Variants in HCN1 observed in about 807,000 individuals in gnomAD.
The protein encoded by HCN1 is hyperpolarization activated cyclic nucleotide gated potassium channel 1, also known as potassium/sodium hyperpolarization-activated cyclic nucleotide-gated channel 1.
Under a neutral mutation model 78.9 loss-of-function variants are expected in HCN1, and 13 were observed. The ratio of observed to expected loss-of-function variants is 0.16; its 90% CI spans 0.11 to 0.26. The LOEUF is 0.26. Among genes scored for constraint, HCN1 ranks in the 10% least tolerant of loss-of-function variants. The pLI is 1.00. For missense variants in HCN1, 810 were observed against 1,154.3 expected (o/e 0.70, Z 4.32); for synonymous variants, 552 against 455.5 (o/e 1.21, Z -2.70).
intron 4 of HCN1, among the ~76,000 whole-genome samples, chr5:45,364,308 A>G (rs1309911306): frequency 6.6e-6 from 1 of 152,148 alleles, no homozygotes; most frequent in Non-Finnish European, 1.5e-5. Context: ...TCAATGGTCC[A>G]GCAGAGAACA....
chr5:45,522,755 A>T (rs971410856), intron 2 of HCN1, among the ~76,000 whole-genome samples: 1 of 151,962 alleles, frequency 6.6e-6, no homozygotes, highest in Non-Finnish European at 1.5e-5. Flanking sequence ...CTTCTCTATC[A>T]CATCCATCCT....
chr5:45,412,272 G>A (rs931717820), intron 3 of HCN1, among the ~76,000 whole-genome samples: 4 of 152,052 alleles, frequency 2.6e-5, no homozygotes, highest in African/African-American at 9.7e-5. Context: ...TGGGCACTGG[G>A]AATAAAGGTT....
At chr5:45,461,423 T>C (rs989528751) in intron 3 of HCN1, among the ~76,000 whole-genome samples, 2 of 152,164 alleles carry the variant, frequency 1.3e-5, no homozygotes, top group Non-Finnish European at 2.9e-5. Context: ...ATATCTATGC[T>C]GATGTATCTG....
intron 2 of HCN1, among the ~76,000 whole-genome samples, chr5:45,507,965 T>C (rs549558929): frequency 6.6e-6 from 1 of 152,106 alleles, no homozygotes; most frequent in South Asian, 2.1e-4. Flanking sequence ...ATACATCTTA[T>C]CTGAATTTCA....
intron 3 of HCN1, among the ~76,000 whole-genome samples, chr5:45,401,298 C>T (rs191241161): frequency 9.9e-5 from 15 of 152,176 alleles, no homozygotes; most frequent in African/African-American, 2.9e-4. Flanking sequence ...TTTGAGAAGG[C>T]GTTCATGTAT....
At chr5:45,274,843 T>C (rs1242145676) in intron 6 of HCN1, among the ~76,000 whole-genome samples, 2 of 152,232 alleles carry the variant, frequency 1.3e-5, no homozygotes, top group Non-Finnish European at 2.9e-5. Context: ...CTCTGTATCT[T>C]GATCATCTTG....
intron 2 of HCN1, among the ~76,000 whole-genome samples, chr5:45,536,011 A>G (rs1180301935): frequency 6.6e-6 from 1 of 152,080 alleles, no homozygotes; most frequent in Non-Finnish European, 1.5e-5. Flanking sequence ...GTTGTTTTTT[A>G]GTTTTGCTCC....
At chr5:45,598,024 A>G (rs554365221) in intron 2 of HCN1, among the ~76,000 whole-genome samples, 4 of 152,148 alleles carry the variant, frequency 2.6e-5, no homozygotes, top group Non-Finnish European at 5.9e-5. Context: ...CATCCCCATC[A>G]AGCTACCAAT....
intron 6 of HCN1, among the ~76,000 whole-genome samples, chr5:45,300,104 T>G (rs544634798): frequency 3.3e-5 from 5 of 152,192 alleles, no homozygotes; most frequent in African/African-American, 1.2e-4. Context: ...CTGTAAGGTA[T>G]TTAAAACCTC....
intron 2 of HCN1, among the ~76,000 whole-genome samples, chr5:45,567,604 CAG>C (rs1743735850): frequency 2.1e-5 from 2 of 95,464 alleles, no homozygotes; most frequent in African/African-American, 4.0e-5. Context: ...CACACACACA[CAG>C]AGTTATATAC....
At chr5:45,267,318 C>G in intron 6 of HCN1, 65 bp from the exon 7 acceptor site, 1 of 1,440,844 alleles carries the variant, frequency 6.9e-7, no homozygotes, top group Admixed American at 1.7e-5. Flanking sequence ...GCCATTAAGG[C>G]TTCCCACAAC....
intron 3 of HCN1, among the ~76,000 whole-genome samples, chr5:45,424,415 A>G (rs1415766432): frequency 6.6e-6 from 1 of 152,186 alleles, no homozygotes; most frequent in Admixed American, 6.5e-5. Context: ...CACACCATGA[A>G]ATCAAGTCCT....
chr5:45,592,313 T>G (rs912916978), intron 2 of HCN1, among the ~76,000 whole-genome samples: 1 of 139,160 alleles, frequency 7.2e-6, no homozygotes, highest in African/African-American at 2.4e-5. Flanking sequence ...AAAGGAATCT[T>G]TAAGTGTATG....
chr5:45,407,524 A>G (rs982912379), intron 3 of HCN1, among the ~76,000 whole-genome samples: 4 of 151,876 alleles, frequency 2.6e-5, no homozygotes, highest in Non-Finnish European at 4.4e-5. Flanking sequence ...GAGGCTTTTT[A>G]TTTTTATTTT....
chr5:45,486,846 A>G (rs1257784642), intron 2 of HCN1, among the ~76,000 whole-genome samples: 2 of 152,130 alleles, frequency 1.3e-5, no homozygotes, highest in African/African-American at 2.4e-5. Context: ...TATAATCAGA[A>G]GATAATTCAT....
At chr5:45,469,253 C>A (rs549007790) in intron 2 of HCN1, among the ~76,000 whole-genome samples, 1 of 151,840 alleles carries the variant, frequency 6.6e-6, no homozygotes, top group African/African-American at 2.4e-5. Context: ...CCAGGAAAAA[C>A]GAAAGAGCAA....
At chr5:45,384,177 C>A (rs1410064326) in intron 4 of HCN1, among the ~76,000 whole-genome samples, 4 of 152,088 alleles carry the variant, frequency 2.6e-5, no homozygotes. Context: ...TCCTTTACAT[C>A]CCCGTGCAGT....
chr5:45,372,327 A>T (rs202018345), intron 4 of HCN1, among the ~76,000 whole-genome samples: 2 of 102,496 alleles, frequency 2.0e-5, no homozygotes, highest in South Asian at 5.1e-4. Context: ...TATATATGTT[A>T]TATAATATAT....
At chr5:45,632,969 G>A (rs989409872) in intron 2 of HCN1, among the ~76,000 whole-genome samples, 1 of 151,964 alleles carries the variant, frequency 6.6e-6, no homozygotes, top group Non-Finnish European at 1.5e-5. Flanking sequence ...GAATGCAGCA[G>A]TTTCTTGATA....
Sources: gnomAD v4.1 joint callset for allele counts (sites outside exome capture counted in the v4.1 genomes callset) on GRCh38, gnomAD v4.1.1 for gene constraint, MANE v1.5 for transcripts, NCBI Gene and HGNC (gene_info 2026-07-23, HGNC 2026-07-21) for gene names.